DPP6: variants seen among roughly 807,000 people sequenced by gnomAD.
DPP6 encodes the protein dipeptidyl peptidase like 6.
DPP6 carries 69 observed loss-of-function variants against 122.6 expected under a neutral mutation model. That is an observed-to-expected ratio of 0.56 (90% CI 0.46 to 0.69). The LOEUF (loss-of-function observed/expected upper bound fraction) is 0.69, where lower values mean the gene tolerates loss of function less well. Among genes scored for constraint, DPP6 ranks in the 30% least tolerant of loss-of-function variants. DPP6 has a pLI of 0.00. For synonymous variants in DPP6, 418 were observed against 433.1 expected (o/e 0.97, Z 0.43); for missense variants, 928 against 1,116.9 (o/e 0.83, Z 2.41).
chr7:154,416,529 AAAAAT>A (rs534840672), intron 1 of DPP6, among the ~76,000 whole-genome samples: 68 of 152,244 alleles, frequency 4.5e-4, no homozygotes, highest in Non-Finnish European at 7.4e-4. Context: ...TATTAATTCT[AAAAAT>A]AAAATCTCTT....
intron 20 of DPP6, among the ~76,000 whole-genome samples, chr7:154,879,688 G>T (rs1278869653): frequency 6.6e-6 from 1 of 151,956 alleles, no homozygotes; most frequent in Non-Finnish European, 1.5e-5. Flanking sequence ...GGAGGCAGAG[G>T]TTGCGGTGAG....
intron 6 of DPP6, among the ~76,000 whole-genome samples, chr7:154,641,666 A>G (rs1176971289): frequency 2.6e-5 from 4 of 152,228 alleles, no homozygotes; most frequent in Non-Finnish European, 5.9e-5. Flanking sequence ...CACACTTTTA[A>G]TAATAGTAAT....
chr7:154,394,593 A>T (rs1814919842), intron 1 of DPP6, among the ~76,000 whole-genome samples: 1 of 152,044 alleles, frequency 6.6e-6, no homozygotes. Flanking sequence ...AATTTCTCGA[A>T]GTCCTATTTG....
In DPP6 at chr7:154,363,929, G is replaced by A. The variant is rs115100148; in HGVS notation, c.244-82285G>A. On this transcript the variant is annotated intron_variant, in intron 1 of 25. Coordinates refer to ENST00000377770, the MANE Select transcript of DPP6 (RefSeq NM_130797.4). Reference sequence around the variant, plus strand: ...ATGTTATTAATTGGGTAATTATTTAGCTGTCTTCAAAAAACAAAAACAAAA... The same window carrying A: ...ATGTTATTAATTGGGTAATTATTTAACTGTCTTCAAAAAACAAAAACAAAA... Among the ~76,000 whole-genome samples the A allele has an allele frequency of 4.6e-3, 697 of 152,136 alleles. 2 individuals are homozygous for A. Among genetic ancestry groups the A allele is most frequent in the African/African-American group, 0.016 (662 of 41,490 alleles).
chr7:154,138,680 G>T (rs1795699493), intron 1 of DPP6, among the ~76,000 whole-genome samples: 1 of 151,756 alleles, frequency 6.6e-6, no homozygotes. Flanking sequence ...AATAACAAAG[G>T]CTGGAAAGAG....
At chr7:153,960,567 A>G (rs1795299676) in intron 1 of DPP6, among the ~76,000 whole-genome samples, 2 of 150,554 alleles carry the variant, frequency 1.3e-5, no homozygotes, top group South Asian at 2.1e-4. Flanking sequence ...GAAATACAAT[A>G]TTTCCTTCAC....
At chr7:154,110,212 T>G (rs1344405584) in intron 1 of DPP6, among the ~76,000 whole-genome samples, 1 of 152,070 alleles carries the variant, frequency 6.6e-6, no homozygotes, top group East Asian at 1.9e-4. Context: ...CCAAATGATG[T>G]TAAATGCAGA....
At position 154,154,533 on chromosome 7, in the gene DPP6, A is replaced by G. The variant is rs376939657; in HGVS notation, c.243+101470A>G. On this transcript the variant is annotated intron_variant, in intron 1 of 25. Transcript: ENST00000377770. The stretch of plus-strand genomic sequence containing the variant: ...AAGAAACAGAAAAAACAGCCCACCA[A>G]TTTACTCCCATTTGAACCCCTGAAG... 7.2e-5 allele frequency among the ~76,000 whole-genome samples: 11 copies of G among 152,248 alleles called. No homozygotes were observed. The East Asian group carries it at 1.4e-3, about 19-fold the overall frequency.
At chr7:154,395,432 C>G (rs1814995743) in intron 1 of DPP6, among the ~76,000 whole-genome samples, 1 of 152,216 alleles carries the variant, frequency 6.6e-6, no homozygotes, top group South Asian at 2.1e-4. Flanking sequence ...TTTCTTTCAG[C>G]AAGGCTTTGT....
At chr7:154,388,942 A>G (rs764775562) in intron 1 of DPP6, among the ~76,000 whole-genome samples, 1 of 152,052 alleles carries the variant, frequency 6.6e-6, no homozygotes, top group Non-Finnish European at 1.5e-5. Flanking sequence ...TCTCAAATAT[A>G]CTTGCTACTA....
chr7:153,902,230 C>T (rs915180757), intron 1 of DPP6, among the ~76,000 whole-genome samples: 5 of 152,174 alleles, frequency 3.3e-5, no homozygotes, highest in African/African-American at 9.7e-5. Context: ...CAGTAGCTCA[C>T]CCTGAAGTAA....
At chr7:154,281,737 T>C (rs939815956) in intron 1 of DPP6, among the ~76,000 whole-genome samples, 1 of 152,196 alleles carries the variant, frequency 6.6e-6, no homozygotes, top group East Asian at 1.9e-4. Flanking sequence ...GGGCCTACTT[T>C]GCAAGGGGCC....
chr7:153,820,686 C>T, the DPP6 span, among the ~76,000 whole-genome samples: 3 of 150,634 alleles, frequency 2.0e-5, no homozygotes, highest in East Asian at 3.9e-4. Flanking sequence ...GAAGAGCAGC[C>T]GAAAAAAGAA....
chr7:154,264,198 A>G (rs1038959787), intron 1 of DPP6, among the ~76,000 whole-genome samples: 5 of 152,236 alleles, frequency 3.3e-5, no homozygotes, highest in African/African-American at 1.2e-4. Context: ...ACTGAGTTCA[A>G]GTATCCCTAA....
intron 1 of DPP6, among the ~76,000 whole-genome samples, chr7:153,924,033 G>C (rs954547498): frequency 6.6e-6 from 1 of 152,066 alleles, no homozygotes; most frequent in African/African-American, 2.4e-5. Context: ...TTTTCTAGCT[G>C]GGTAACCCTG....
intron 1 of DPP6, among the ~76,000 whole-genome samples, chr7:154,004,408 A>T: frequency 6.6e-6 from 1 of 152,050 alleles, no homozygotes; most frequent in Non-Finnish European, 1.5e-5. Context: ...TGAGATAGAC[A>T]TTTTGGTGGG....
At chr7:154,529,601 C>T (rs747200854) in intron 3 of DPP6, among the ~76,000 whole-genome samples, 23 of 152,156 alleles carry the variant, frequency 1.5e-4, no homozygotes, top group Admixed American at 8.5e-4. Context: ...ATTTCTGGAA[C>T]TGACAAAGAT....
intron 2 of DPP6, among the ~76,000 whole-genome samples, chr7:154,464,644 A>G (rs1233034619): frequency 6.6e-6 from 1 of 152,262 alleles, no homozygotes; most frequent in Non-Finnish European, 1.5e-5. Context: ...TTCTTGAGGC[A>G]TTCCAGTCAA....
intron 1 of DPP6, among the ~76,000 whole-genome samples, chr7:154,412,497 C>T (rs986848582): frequency 6.6e-6 from 1 of 152,102 alleles, no homozygotes; most frequent in African/African-American, 2.4e-5. Flanking sequence ...CTCATTTAAC[C>T]TTAATTGCCT....
Sources: gnomAD v4.1 joint callset for allele counts (sites outside exome capture counted in the v4.1 genomes callset) on GRCh38, gnomAD v4.1.1 for gene constraint, MANE v1.5 for transcripts, NCBI Gene and HGNC (gene_info 2026-07-23, HGNC 2026-07-21) for gene names.